The following MDM4 variants were observed in gnomAD, a reference collection of about 807,000 sequenced individuals.
The protein encoded by MDM4 is protein Mdm4.
MDM4 carries 2 observed loss-of-function variants against 60.2 expected under a neutral mutation model. That is an observed-to-expected ratio of 0.03 (90% CI 0.01 to 0.10). MDM4 has a LOEUF of 0.10. Ranked by LOEUF, MDM4 falls within the 10% of genes least tolerant of loss-of-function variation. The pLI is 1.00. For missense variants in MDM4, 447 were observed against 577.5 expected, an observed-to-expected ratio of 0.77 and a Z score of 2.32; for synonymous variants, 202 against 198.1, an observed-to-expected ratio of 1.02 and a Z score of -0.17.
intron 4 of MDM4, among the ~76,000 whole-genome samples, chr1:204,531,211 A>AGAGAGTTT (rs1382908059): frequency 6.6e-6 from 1 of 152,232 alleles, no homozygotes; most frequent in African/African-American, 2.4e-5. Context: ...GTAGTCAATC[A>AGAGAGTTT]GAGAGTTTGA....
chr1:204,537,813 A>G (rs1661570898), intron 6 of MDM4: 5 of 630,446 alleles, frequency 7.9e-6, no homozygotes, highest in Non-Finnish European at 1.5e-5. Flanking sequence ...GGCGTGTTGC[A>G]GTTAAGTTCA....
chr1:204,547,417 G>T (rs111677216), intron 10 of MDM4, among the ~76,000 whole-genome samples: 1 of 152,316 alleles, frequency 6.6e-6, no homozygotes, highest in African/African-American at 2.4e-5. Context: ...CTCAAGTCTA[G>T]ACCCAAATGT....
intron 4 of MDM4, among the ~76,000 whole-genome samples, chr1:204,531,641 C>G (rs1660862257): frequency 6.6e-6 from 1 of 151,982 alleles, no homozygotes; most frequent in Non-Finnish European, 1.5e-5. Flanking sequence ...ACCAGCCTGG[C>G]CAACATAAGT....
chr1:204,543,019 C>A, intron 8 of MDM4, 75 bp downstream of exon 8: 3 of 1,225,482 alleles, frequency 2.4e-6, no homozygotes, highest in Non-Finnish European at 3.5e-6. Flanking sequence ...CTTGACCACA[C>A]ATTATATTCT....
At chr1:204,523,354 C>A (rs940155465) in intron 1 of MDM4, among the ~76,000 whole-genome samples, 6 of 149,306 alleles carry the variant, frequency 4.0e-5, no homozygotes, top group Admixed American at 2.7e-4. Flanking sequence ...GTAGTCCCAG[C>A]TACTCGGGAG....
At chr1:204,519,761 C>T (rs1184160370) in intron 1 of MDM4, among the ~76,000 whole-genome samples, 1 of 151,938 alleles carries the variant, frequency 6.6e-6, no homozygotes, top group Non-Finnish European at 1.5e-5. Flanking sequence ...TTGCAGTAAG[C>T]CATGATCACG....
chr1:204,557,790 G>A lies in MDM4; in HGVS notation c.*8108G>A, dbSNP rs372021108. ...AACATGAAATTTTCCAAATATTTCC[G>A]ATCAGAGAATCACAAGAGCAGCAAA... On this transcript the variant is annotated 3_prime_UTR_variant, in exon 11 of 11. Coordinates refer to ENST00000367182, the MANE Select transcript of MDM4 (RefSeq NM_002393.5). The A allele has an allele frequency of 2.1e-5, 4 of 188,354 alleles. No homozygotes were observed. Among genetic ancestry groups the A allele is most frequent in the Non-Finnish European group, 3.3e-5 (3 of 89,618 alleles). The allele number at this position is 188,354 out of a possible 1,614,324, so 11.7% of individuals were successfully genotyped here. A position where few individuals can be genotyped will look rare whatever the true frequency, so the allele number is the denominator to read the frequency against.
intron 9 of MDM4, among the ~76,000 whole-genome samples, 172 bp from the exon 10 acceptor site, chr1:204,546,625 C>T (rs1461704049): frequency 6.6e-6 from 1 of 152,192 alleles, no homozygotes; most frequent in Non-Finnish European, 1.5e-5. Flanking sequence ...GAAATGCCAA[C>T]TAGAAGTACA....
At chr1:204,530,484 A>T (rs569451604) in intron 3 of MDM4, among the ~76,000 whole-genome samples, 200 bp from the exon 4 acceptor site, 15 of 152,296 alleles carry the variant, frequency 9.8e-5, no homozygotes, top group African/African-American at 3.6e-4. Context: ...GGGTCTGTTA[A>T]TTGTCAGAAA....
At chr1:204,521,129 G>A (rs904425574) in intron 1 of MDM4, among the ~76,000 whole-genome samples, 2 of 152,150 alleles carry the variant, frequency 1.3e-5, no homozygotes, top group Non-Finnish European at 2.9e-5. Flanking sequence ...AAGGATAATA[G>A]CTACATAATA....
Position 204,553,399 on chromosome 1 carries a change from T to C in MDM4, c.*3717T>C. On this transcript the variant is annotated 3_prime_UTR_variant, in exon 11 of 11. Transcript: ENST00000367182. The stretch of plus-strand genomic sequence containing the variant: ...GAGACTGCCAAATTGCTCCCATTTT[T>C]CTGCATCCCACCTGGTTTCTTTCTG... 1 of 226,130 alleles carries C rather than the reference T, an allele frequency of 4.4e-6. No homozygotes were observed. Among genetic ancestry groups the C allele is most frequent in the East Asian group, 6.4e-5 (1 of 15,650 alleles). The allele number at this position is 226,130 out of a possible 1,614,324, so 14.0% of individuals were successfully genotyped here. A position where few individuals can be genotyped will look rare whatever the true frequency, so the allele number is the denominator to read the frequency against.
In MDM4 at chr1:204,552,833, C is replaced by T. The variant is rs535181447; in HGVS notation, c.*3151C>T. Reference sequence around the variant, plus strand: ...GATATGTGCTTGAGCCGAATTTCATCTTTACTTGTAGGAAACTTTAAACTA... The same window carrying T: ...GATATGTGCTTGAGCCGAATTTCATTTTTACTTGTAGGAAACTTTAAACTA... On this transcript the variant is annotated 3_prime_UTR_variant, in exon 11 of 11. Transcript: ENST00000367182. 3.4e-4 allele frequency: 59 copies of T among 175,012 alleles called. No homozygotes were observed. The highest frequency in any genetic ancestry group is 1.4e-3 in the African/African-American group (57 of 41,854). 10.8% of individuals were successfully genotyped at this position (175,012 alleles called of 1,614,324 possible).
chr1:204,557,590 C>T lies in MDM4; in HGVS notation c.*7908C>T, dbSNP rs554626713. 4.2e-4 allele frequency: 72 copies of T among 172,016 alleles called. No individual in the cohort carries two copies. Among genetic ancestry groups the T allele is most frequent in the African/African-American group, 1.6e-3 (69 of 42,088 alleles). The allele number at this position is 172,016 out of a possible 1,614,324, so 10.7% of individuals were successfully genotyped here. On this transcript the variant is annotated 3_prime_UTR_variant, in exon 11 of 11. Coordinates refer to ENST00000367182, the MANE Select transcript of MDM4 (RefSeq NM_002393.5). ...GCTAATTTTGTATTTTTAGTAGAGA[C>T]AGGGTTTCACCATGTTGGCCAGGCT...
At chr1:204,537,918 C>A (rs1188602022) in intron 6 of MDM4, 1 of 695,922 alleles carries the variant, frequency 1.4e-6, no homozygotes, top group East Asian at 3.0e-5. Flanking sequence ...TGAATTATGC[C>A]TAATTTTGTA....
intron 10 of MDM4, among the ~76,000 whole-genome samples, chr1:204,548,746 T>G (rs575798956): frequency 6.6e-6 from 1 of 152,192 alleles, no homozygotes; most frequent in Non-Finnish European, 1.5e-5. Context: ...AGTATTCTCT[T>G]CATTCTTCAG....
At chr1:204,531,703 G>T (rs1660871946) in intron 4 of MDM4, among the ~76,000 whole-genome samples, 1 of 152,094 alleles carries the variant, frequency 6.6e-6, no homozygotes, top group Non-Finnish European at 1.5e-5. Flanking sequence ...GTGGTGGCGG[G>T]CGCCTATAAT....
In MDM4 at chr1:204,550,391, C is replaced by T. The variant is rs1411430451; in HGVS notation, c.*709C>T. The T allele has an allele frequency of 4.8e-6, 1 of 210,352 alleles. No individual in the cohort carries two copies. Among genetic ancestry groups the T allele is most frequent in the Non-Finnish European group, 9.6e-6 (1 of 103,638 alleles). 13.0% of individuals were successfully genotyped at this position (210,352 alleles called of 1,614,324 possible). A position where few individuals can be genotyped will look rare whatever the true frequency, so the allele number is the denominator to read the frequency against. On this transcript the variant is annotated 3_prime_UTR_variant, in exon 11 of 11. Coordinates refer to ENST00000367182, the MANE Select transcript of MDM4 (RefSeq NM_002393.5). ...TGTTGCCCAGGCTGGTCTCGAACTC[C>T]TGGGCTCAAACAATCCTCCCGCCTC...
chr1:204,529,110 T>G (rs1378255544), intron 3 of MDM4: 1 of 1,288,634 alleles, frequency 7.8e-7, no homozygotes, highest in African/African-American at 1.5e-5. Context: ...GCCTGAGTTG[T>G]CCCAGTCATA....
In MDM4 at chr1:204,544,587, A is replaced by G; in HGVS notation, c.725A>G (p.Asn242Ser). The change falls in exon 9 of 11, where the codon AAT (asparagine) becomes AGT (serine). Residue 242 changes from asparagine (N) to serine (S), a missense_variant. Physicochemically the swap from Asn to Ser is conservative, Grantham distance 46. Coordinates refer to ENST00000367182, the MANE Select transcript of MDM4 (RefSeq NM_002393.5). ...SDTTDDLWFLNESVSEQLGVG... is the reference protein window; with the variant it reads ...SDTTDDLWFLSESVSEQLGVG... ...ACTACAGATGACTTGTGGTTTTTGA[A>G]TGAGTCAGTATCAGAGCAGTTAGGT... 3 of 1,613,732 alleles carry G rather than the reference A, an allele frequency of 1.9e-6. No homozygotes were observed. Among genetic ancestry groups the G allele is most frequent in the Non-Finnish European group, 2.5e-6 (3 of 1,179,762 alleles).
Sources: allele counts gnomAD v4.1 joint callset (sites outside exome capture counted in the v4.1 genomes callset), GRCh38; gene constraint gnomAD v4.1.1; transcripts MANE v1.5; gene names NCBI Gene and HGNC (gene_info 2026-07-23, HGNC 2026-07-21).